Variants in MEIKIN observed in about 807,000 individuals in gnomAD.
MEIKIN encodes meiosis-specific kinetochore protein.
chr5:131,831,800 A>G (rs556927497), intron 11 of MEIKIN, among the ~76,000 whole-genome samples: 3 of 152,282 alleles, frequency 2.0e-5, no homozygotes, highest in East Asian at 3.9e-4. Context: ...TGACAGCAAG[A>G]GAAAATGAGG....
intron 8 of MEIKIN, among the ~76,000 whole-genome samples, chr5:131,907,672 G>T (rs1418672577): frequency 6.6e-6 from 1 of 151,528 alleles, no homozygotes; most frequent in Non-Finnish European, 1.5e-5. Flanking sequence ...AGGAGTTCGA[G>T]ACCAGCCTGA....
chr5:131,894,424 A>C (rs1416109679), intron 8 of MEIKIN, among the ~76,000 whole-genome samples: 3 of 152,166 alleles, frequency 2.0e-5, no homozygotes, highest in Non-Finnish European at 4.4e-5. Flanking sequence ...AGTTTTTTCC[A>C]ATTCTGTGAA....
intron 5 of MEIKIN, among the ~76,000 whole-genome samples, chr5:131,932,694 G>A (rs560162751): frequency 1.1e-4 from 16 of 152,128 alleles, no homozygotes; most frequent in Non-Finnish European, 1.8e-4. Context: ...GCTATTAAAA[G>A]GACCTAGTAT....
chr5:131,905,064 C>T (rs1008538500), intron 8 of MEIKIN, among the ~76,000 whole-genome samples: 20 of 152,018 alleles, frequency 1.3e-4, no homozygotes, highest in Non-Finnish European at 2.8e-4. Flanking sequence ...CAGCAAACCA[C>T]CACGTGTATA....
chr5:131,873,767 A>G lies in MEIKIN; in HGVS notation c.774+5211T>C, dbSNP rs552383689. On this transcript the variant is annotated intron_variant, in intron 9 of 12. Coordinates refer to ENST00000442687, the MANE Select transcript of MEIKIN (RefSeq NM_001303622.2). Reference sequence around the variant, plus strand: ...AAGTAAAGCACTCCTCAGCAAATGTAAAAGAACAGAAATTATAACAAACTG... The same window carrying G: ...AAGTAAAGCACTCCTCAGCAAATGTGAAAGAACAGAAATTATAACAAACTG... 4.4e-3 allele frequency among the ~76,000 whole-genome samples: 672 copies of G among 152,336 alleles called. 12 individuals carry two copies. Among genetic ancestry groups the G allele is most frequent in the African/African-American group, 0.016 (653 of 41,568 alleles).
intron 9 of MEIKIN, among the ~76,000 whole-genome samples, chr5:131,877,044 G>A (rs1193194422): frequency 4.0e-5 from 6 of 151,650 alleles, no homozygotes; most frequent in African/African-American, 1.5e-4. Context: ...TATACCTAAT[G>A]CTAAATGAGG....
chr5:131,932,818 A>G (rs866740667), intron 5 of MEIKIN, among the ~76,000 whole-genome samples: 24 of 152,274 alleles, frequency 1.6e-4, no homozygotes, highest in African/African-American at 4.8e-4. Flanking sequence ...ATCTATTTAC[A>G]AGCATTTGGC....
chr5:131,920,862 T>C (rs924673510), intron 6 of MEIKIN, among the ~76,000 whole-genome samples: 4 of 151,994 alleles, frequency 2.6e-5, no homozygotes, highest in African/African-American at 9.7e-5. Flanking sequence ...CCATCACATC[T>C]GGCTCATTTT....
chr5:131,880,194 A>T (rs1750681475), intron 8 of MEIKIN, among the ~76,000 whole-genome samples: 1 of 151,522 alleles, frequency 6.6e-6, no homozygotes, highest in South Asian at 2.1e-4. Flanking sequence ...GGTTCAAGCG[A>T]TTCTCCTGTC....
At chr5:131,899,062 T>C (rs1024319434) in intron 8 of MEIKIN, among the ~76,000 whole-genome samples, 27 of 152,222 alleles carry the variant, frequency 1.8e-4, no homozygotes, top group African/African-American at 6.3e-4. Context: ...ATCTTGGAAC[T>C]GACCTCTACT....
intron 9 of MEIKIN, among the ~76,000 whole-genome samples, chr5:131,874,809 C>A (rs931176368): frequency 6.6e-6 from 1 of 152,210 alleles, no homozygotes; most frequent in Non-Finnish European, 1.5e-5. Flanking sequence ...ATCAAGTGGG[C>A]TTCATCCCTG....
At chr5:131,819,389 G>A (rs930581757) in intron 11 of MEIKIN, among the ~76,000 whole-genome samples, 1 of 142,594 alleles carries the variant, frequency 7.0e-6, no homozygotes, top group Non-Finnish European at 1.5e-5. Flanking sequence ...ATTCCTTGAG[G>A]CAGAGGCAGA....
intron 11 of MEIKIN, among the ~76,000 whole-genome samples, chr5:131,847,353 A>G (rs191197274): frequency 2.1e-4 from 32 of 152,198 alleles, no homozygotes; most frequent in African/African-American, 6.3e-4. Flanking sequence ...GAAACAGAAA[A>G]AGCTACTCCA....
chr5:131,934,394 G>A (rs1441545715), intron 4 of MEIKIN, among the ~76,000 whole-genome samples: 1 of 152,092 alleles, frequency 6.6e-6, no homozygotes, highest in Non-Finnish European at 1.5e-5. Context: ...TTTAATAAGA[G>A]AGCATGGAAA....
At chr5:131,855,815 T>C (rs1231234476) in intron 9 of MEIKIN, among the ~76,000 whole-genome samples, 1 of 151,458 alleles carries the variant, frequency 6.6e-6, no homozygotes, top group Non-Finnish European at 1.5e-5. Context: ...AGAGAGAAAA[T>C]CTAGGATAGC....
At chr5:131,843,281 G>A (rs766522395) in intron 11 of MEIKIN, among the ~76,000 whole-genome samples, 8 of 152,192 alleles carry the variant, frequency 5.3e-5, no homozygotes, top group Non-Finnish European at 1.2e-4. Context: ...CCACTGTCTT[G>A]GATATTAACA....
chr5:131,908,387 G>A (rs1751279691), intron 8 of MEIKIN, among the ~76,000 whole-genome samples: 1 of 152,094 alleles, frequency 6.6e-6, no homozygotes, highest in African/African-American at 2.4e-5. Flanking sequence ...ATCCGTTCAT[G>A]ATAAAAATTC....
chr5:131,855,701 C>T (rs1246476668), intron 9 of MEIKIN, among the ~76,000 whole-genome samples: 1 of 151,822 alleles, frequency 6.6e-6, no homozygotes, highest in Non-Finnish European at 1.5e-5. Context: ...AAGACAGAAA[C>T]CAACATAGAT....
At chr5:131,933,940 T>C (rs887367235) in intron 4 of MEIKIN, among the ~76,000 whole-genome samples, 1 of 152,008 alleles carries the variant, frequency 6.6e-6, no homozygotes, top group African/African-American at 2.4e-5. Context: ...GGCTCAAAAA[T>C]TTAATTTTTT....
Sources: allele counts gnomAD v4.1 joint callset (sites outside exome capture counted in the v4.1 genomes callset), GRCh38; gene constraint gnomAD v4.1.1; transcripts MANE v1.5; gene names NCBI Gene and HGNC (gene_info 2026-07-23, HGNC 2026-07-21).